LIMS1: variants seen among roughly 807,000 people sequenced by gnomAD.
The protein encoded by LIMS1 is LIM zinc finger domain containing 1, also known as LIM and senescent cell antigen-like-containing domain protein 1.
In LIMS1, 18 loss-of-function variants were observed where a neutral mutation model predicts 44.1. The ratio of observed to expected loss-of-function variants is 0.41; its 90% CI spans 0.28 to 0.61. The LOEUF (loss-of-function observed/expected upper bound fraction) is 0.61. LIMS1 is among the 20% of genes least tolerant of loss of function. LIMS1 has a pLI of 0.32. For missense variants in LIMS1, 201 were observed against 422.0 expected (o/e 0.48, Z 4.59); for synonymous variants, 93 against 149.1 (o/e 0.62, Z 2.74).
chr2:108,591,373 G>A (rs1411982245), intron 1 of LIMS1, among the ~76,000 whole-genome samples: 2 of 152,152 alleles, frequency 1.3e-5, no homozygotes, highest in Admixed American at 1.3e-4. Context: ...GCGTGGGAAG[G>A]AGTCTGAAGT....
chr2:108,653,028 GC>G (rs1690608797), intron 1 of LIMS1, among the ~76,000 whole-genome samples: 1 of 152,208 alleles, frequency 6.6e-6, no homozygotes, highest in Non-Finnish European at 1.5e-5. Context: ...TGTTTCATGA[GC>G]CATAGGCTTT....
intron 8 of LIMS1, among the ~76,000 whole-genome samples, chr2:108,680,477 C>T: frequency 7.1e-6 from 1 of 141,112 alleles, no homozygotes; most frequent in Non-Finnish European, 1.5e-5. Context: ...GTTGGGGTTA[C>T]AGTGAGCCAA....
intron 1 of LIMS1, among the ~76,000 whole-genome samples, chr2:108,619,113 G>A (rs1232860854): frequency 6.6e-6 from 1 of 152,018 alleles, no homozygotes; most frequent in African/African-American, 2.4e-5. Flanking sequence ...ACACAGTTAG[G>A]TGTTTCCTGT....
chr2:108,534,088 T>A (rs1684020822), upstream of LIMS1: 1 of 153,038 alleles, frequency 6.5e-6, no homozygotes, highest in Admixed American at 6.5e-5. Context: ...CCTGCGCCCG[T>A]CACCGCCATC....
chr2:108,574,759 A>C (rs763303251), intron 1 of LIMS1, among the ~76,000 whole-genome samples: 2 of 152,220 alleles, frequency 1.3e-5, no homozygotes, highest in Non-Finnish European at 2.9e-5. Flanking sequence ...AAAGACCTGA[A>C]GCAAACTCTT....
At chr2:108,640,848 T>G (rs774849417) in intron 1 of LIMS1, among the ~76,000 whole-genome samples, 6 of 152,182 alleles carry the variant, frequency 3.9e-5, no homozygotes, top group Admixed American at 2.0e-4. Flanking sequence ...TTGTTAACAT[T>G]AGTCACCCTA....
At chr2:108,679,792 A>G (rs185543362) in intron 8 of LIMS1, among the ~76,000 whole-genome samples, 6 of 152,240 alleles carry the variant, frequency 3.9e-5, no homozygotes, top group Non-Finnish European at 7.4e-5. Flanking sequence ...GCACACACCT[A>G]TGGTCCCAGC....
intron 9 of LIMS1, chr2:108,681,242 AGT>A (rs1692975379): frequency 8.0e-7 from 1 of 1,247,446 alleles, no homozygotes; most frequent in African/African-American, 1.6e-5. Flanking sequence ...ATGTATTTGT[AGT>A]CATCAGAGAT....
chr2:108,579,715 C>T (rs1685814657), intron 1 of LIMS1, among the ~76,000 whole-genome samples: 3 of 152,244 alleles, frequency 2.0e-5, no homozygotes, highest in Admixed American at 6.5e-5. Context: ...TGCCCTCTGC[C>T]AGGCATGACT....
At chr2:108,563,631 A>G (rs1264216300) in intron 1 of LIMS1, among the ~76,000 whole-genome samples, 1 of 152,214 alleles carries the variant, frequency 6.6e-6, no homozygotes, top group Non-Finnish European at 1.5e-5. Flanking sequence ...ATGAACAAAG[A>G]AAGTGATTTC....
chr2:108,622,968 A>G (rs920984378), intron 1 of LIMS1, among the ~76,000 whole-genome samples: 4 of 139,788 alleles, frequency 2.9e-5, no homozygotes, highest in African/African-American at 1.1e-4. Context: ...CTTTCAAACA[A>G]CTAGATTTTT....
chr2:108,680,006 C>G (rs568377088), intron 8 of LIMS1, among the ~76,000 whole-genome samples: 1 of 152,152 alleles, frequency 6.6e-6, no homozygotes, highest in African/African-American at 2.4e-5. Context: ...AGGTAGATTG[C>G]TTGAGCCCAG....
intron 1 of LIMS1, among the ~76,000 whole-genome samples, chr2:108,572,748 C>A (rs773696750): frequency 1.3e-5 from 2 of 152,050 alleles, no homozygotes; most frequent in Non-Finnish European, 2.9e-5. Context: ...GGACGGTAGG[C>A]AACGATTACA....
chr2:108,683,212 C>T lies in LIMS1; in HGVS notation c.900-673C>T, dbSNP rs554314873. Reference sequence around the variant, plus strand: ...CCCTTATAATTTAAAATTAATTAAACCTCATGGCTACCTAATTTAAAGTAC... The same window carrying T: ...CCCTTATAATTTAAAATTAATTAAATCTCATGGCTACCTAATTTAAAGTAC... On this transcript the variant is annotated intron_variant, in intron 9 of 9. Transcript: ENST00000544547. Among the ~76,000 whole-genome samples, 3 of 152,190 alleles carry T rather than the reference C, an allele frequency of 2.0e-5. No homozygotes were observed. The South Asian group carries it at 6.2e-4, about 32-fold the overall frequency.
intron 1 of LIMS1, among the ~76,000 whole-genome samples, chr2:108,638,680 G>A (rs1034356995): frequency 4.6e-5 from 7 of 152,150 alleles, no homozygotes; most frequent in Admixed American, 1.3e-4. Flanking sequence ...CCAGGAGATC[G>A]AGGTTGCGGT....
At chr2:108,611,897 T>C (rs1687637296) in intron 1 of LIMS1, among the ~76,000 whole-genome samples, 2 of 144,510 alleles carry the variant, frequency 1.4e-5, no homozygotes, top group South Asian at 2.1e-4. Context: ...TATACACACA[T>C]ATATAAAATA....
intron 1 of LIMS1, among the ~76,000 whole-genome samples, chr2:108,648,602 C>G (rs7562093): frequency 0.029 from 4,443 of 152,172 alleles, 145 homozygotes; most frequent in South Asian, 0.14. Context: ...TTTGTTACTA[C>G]AAAAACAGCA....
chr2:108,601,697 G>T (rs1409782942), intron 1 of LIMS1, among the ~76,000 whole-genome samples: 1 of 152,020 alleles, frequency 6.6e-6, no homozygotes, highest in Non-Finnish European at 1.5e-5. Flanking sequence ...TTGTATTTTT[G>T]GTAGAGACAG....
intron 1 of LIMS1, among the ~76,000 whole-genome samples, chr2:108,641,528 T>TA (rs1170824786): frequency 6.6e-6 from 1 of 152,236 alleles, no homozygotes; most frequent in Non-Finnish European, 1.5e-5. Context: ...TGTTAGGTGA[T>TA]AATCTTTTAG....
Sources: allele counts gnomAD v4.1 joint callset (sites outside exome capture counted in the v4.1 genomes callset), GRCh38; gene constraint gnomAD v4.1.1; transcripts MANE v1.5; gene names NCBI Gene and HGNC (gene_info 2026-07-23, HGNC 2026-07-21).